The following FNDC1 variants were observed in gnomAD, a reference collection of about 807,000 sequenced individuals.
The protein encoded by FNDC1 is fibronectin type III domain containing 1.
In FNDC1, 96 loss-of-function variants were observed where a neutral mutation model predicts 168.0. That is an observed-to-expected ratio of 0.57 (90% confidence interval 0.48 to 0.68). FNDC1 has a LOEUF of 0.68. FNDC1 is among the 30% of genes least tolerant of loss of function. FNDC1 has a pLI of 0.00. For synonymous variants in FNDC1, 1,099 were observed against 1,025.9 expected (o/e 1.07, Z -1.36); for missense variants, 2,587 against 2,482.1 (o/e 1.04, Z -0.90).
chr6:159,217,580 T>C (rs1286151273), intron 5 of FNDC1, among the ~76,000 whole-genome samples: 1 of 152,154 alleles, frequency 6.6e-6, no homozygotes, highest in East Asian at 1.9e-4. Flanking sequence ...CCTTTTCTGT[T>C]TGTTGCTGTT....
chr6:159,262,726 T>A (rs1777510304), intron 19 of FNDC1, among the ~76,000 whole-genome samples: 1 of 152,206 alleles, frequency 6.6e-6, no homozygotes, highest in Non-Finnish European at 1.5e-5. Context: ...TCTTCTACCT[T>A]CTCCTCCAAG....
chr6:159,253,829 A>C (rs949982240), intron 17 of FNDC1, among the ~76,000 whole-genome samples: 1 of 152,218 alleles, frequency 6.6e-6, no homozygotes, highest in African/African-American at 2.4e-5. Flanking sequence ...CAGGGTTCTG[A>C]TGGAAGCCAG....
intron 22 of FNDC1, 64 bp from the exon 23 acceptor site, chr6:159,271,263 G>A (rs933789294): frequency 2.2e-5 from 24 of 1,091,010 alleles, no homozygotes; most frequent in South Asian, 1.5e-4. Context: ...AGGCTGTAAG[G>A]ATGAGTTCTA....
In FNDC1 at chr6:159,232,762, C is replaced by G; in HGVS notation, c.2250C>G (p.Ala750=). 1 of 1,613,970 alleles carries G rather than the reference C, an allele frequency of 6.2e-7. No individual in the cohort carries two copies. The highest frequency in any genetic ancestry group is 8.5e-7 in the Non-Finnish European group (1 of 1,179,902). The change falls in exon 11 of 23, where the codon GCC becomes GCG. Residue 750 remains alanine (A), a synonymous_variant. Transcript: ENST00000297267. This position sits in a 1 kb window ranked among gnomAD's most constrained non-coding sequence, Gnocchi z 4.9. ...LSKGGKDGED[A]PATNSNAPSR... is the part of the protein sequence containing the mutation. Reference sequence around the variant, plus strand: ...AGGGCGGGAAGGATGGTGAGGACGCCCCAGCCACCAACTCCAATGCGCCAT... The same window carrying G: ...AGGGCGGGAAGGATGGTGAGGACGCGCCAGCCACCAACTCCAATGCGCCAT...
Position 159,232,644 on chromosome 6 carries a change from G to T in FNDC1, c.2132G>T (p.Ser711Ile). 6.2e-7 allele frequency: 1 copy of T among 1,612,626 alleles called. No homozygotes were observed. The change falls in exon 11 of 23, where the codon AGT (serine) becomes ATT (isoleucine). Residue 711 changes from serine (S) to isoleucine (I), a missense_variant. Coordinates refer to ENST00000297267, the MANE Select transcript of FNDC1 (RefSeq NM_032532.3). This position sits in a 1 kb window ranked among gnomAD's most constrained non-coding sequence, Gnocchi z 4.9. ...TCAGGGGCCGCAGAGGAAGATTCCAGTGCCTCAGCCCCACCCTCAAGACTT... is the reference window on the plus strand; with the variant it reads ...TCAGGGGCCGCAGAGGAAGATTCCATTGCCTCAGCCCCACCCTCAAGACTT... ...PHSGAAEEDS[S>I]ASAPPSRLSP...
intron 5 of FNDC1, among the ~76,000 whole-genome samples, chr6:159,216,022 C>T (rs556460958): frequency 9.9e-5 from 15 of 152,078 alleles, no homozygotes; most frequent in East Asian, 7.7e-4. Flanking sequence ...AGTGCAGTGG[C>T]GCAATCTTGG....
rs1220422559 is a variant in FNDC1 at position 159,230,417 on chromosome 6, A to C, written c.1369+414A>C. Among the ~76,000 whole-genome samples the C allele has an allele frequency of 4.1e-4, 63 of 152,338 alleles. 3 individuals carry two copies. Among genetic ancestry groups the C allele is most frequent in the Admixed American group, 4.1e-3 (63 of 15,294 alleles). ...GACAGGAGACGGGTGAGGGTTAAAA[A>C]AATTACCCACTGGGTACAATATTCA... On this transcript the variant is annotated intron_variant, in intron 10 of 22. Transcript: ENST00000297267.
At chr6:159,213,463 T>C (rs375646193) in intron 4 of FNDC1, among the ~76,000 whole-genome samples, 1 of 152,122 alleles carries the variant, frequency 6.6e-6, no homozygotes, top group East Asian at 1.9e-4. Context: ...CAGAATTGGT[T>C]TGTCCTGGAA....
intron 3 of FNDC1, 73 bp downstream of exon 3, chr6:159,200,155 C>A: frequency 9.1e-7 from 1 of 1,097,472 alleles, no homozygotes; most frequent in Non-Finnish European, 1.3e-6. Flanking sequence ...CTTGCTTCTT[C>A]CAGTAAATAT....
intron 1 of FNDC1, among the ~76,000 whole-genome samples, chr6:159,175,454 T>C (rs57867343): frequency 0.064 from 9,709 of 152,206 alleles, 1,009 homozygotes; most frequent in African/African-American, 0.22. Flanking sequence ...TGTATCTCCT[T>C]GTTTTCTTCT....
intron 2 of FNDC1, among the ~76,000 whole-genome samples, chr6:159,199,315 A>T (rs915323681): frequency 2.0e-5 from 3 of 152,202 alleles, no homozygotes; most frequent in Admixed American, 6.5e-5. Context: ...TCAGCCCAAG[A>T]GACCTCTGCT....
chr6:159,182,735 A>G (rs370909314), intron 1 of FNDC1, among the ~76,000 whole-genome samples: 46 of 152,322 alleles, frequency 3.0e-4, no homozygotes, highest in African/African-American at 9.9e-4. Flanking sequence ...TGAATAGCAT[A>G]TTCAAAGATG....
In FNDC1 at chr6:159,271,411, A is replaced by T; in HGVS notation, c.5654A>T (p.Glu1885Val). ...GTPYYYVGWY[E>V]CGVSIPGKW ...CCCTACTACTATGTGGGCTGGTACG[A>T]GTGTGGGGTCTCCATCCCTGGAAAG... Residue 1885 changes from glutamate to valine, a missense_variant, in exon 23 of 23, where the codon GAG becomes GTG. Glu to Val is a moderately radical substitution (Grantham distance 121, BLOSUM62 -2). Transcript: ENST00000297267. The T allele has an allele frequency of 6.2e-7, 1 of 1,611,574 alleles. No homozygotes were observed.
chr6:159,172,138 G>A (rs1039828771), intron 1 of FNDC1, among the ~76,000 whole-genome samples: 5 of 152,146 alleles, frequency 3.3e-5, no homozygotes, highest in African/African-American at 1.2e-4. Flanking sequence ...GTATCTTTGA[G>A]TGTATGTCTT....
chr6:159,233,672 G>T lies in FNDC1; in HGVS notation c.3160G>T (p.Asp1054Tyr). 1 of 1,550,282 alleles carries T rather than the reference G, an allele frequency of 6.5e-7. No individual in the cohort carries two copies. Among genetic ancestry groups the T allele is most frequent in the Non-Finnish European group, 8.7e-7 (1 of 1,147,978 alleles). ...GCAGGGCCGCTCCCACTCCTCCTCG[G>T]ACCCTTACACGGCGAGCTCCAGAGG... The part of the protein sequence containing the change: ...TSQGRSHSSS[D>Y]PYTASSRGML... Residue 1054 changes from aspartate to tyrosine, a missense_variant, in exon 11 of 23, where the codon GAC becomes TAC. Physicochemically the swap from Asp to Tyr is radical, Grantham distance 160. Transcript: ENST00000297267. The surrounding 1 kb of genome is among the most constrained non-coding windows in gnomAD (Gnocchi z 4.6).
At chr6:159,191,477 T>C (rs1477436121) in intron 1 of FNDC1, among the ~76,000 whole-genome samples, 1 of 152,258 alleles carries the variant, frequency 6.6e-6, no homozygotes, top group African/African-American at 2.4e-5. Flanking sequence ...ATGCAACTGT[T>C]CCATAACTCA....
intron 1 of FNDC1, among the ~76,000 whole-genome samples, chr6:159,186,096 G>A (rs1781992901): frequency 1.3e-5 from 2 of 152,196 alleles, no homozygotes; most frequent in South Asian, 4.1e-4. Flanking sequence ...TGGCTTGAGA[G>A]TTTGATTTTA....
intron 1 of FNDC1, among the ~76,000 whole-genome samples, chr6:159,176,168 C>T (rs915910806): frequency 2.0e-5 from 3 of 152,192 alleles, no homozygotes; most frequent in Non-Finnish European, 4.4e-5. Flanking sequence ...CATAACTCTT[C>T]AGGCCTCAGT....
At chr6:159,264,886 G>A (rs1419198442) in intron 19 of FNDC1, 89 bp from the exon 20 acceptor site, 2 of 1,044,994 alleles carry the variant, frequency 1.9e-6, no homozygotes, top group East Asian at 2.6e-5. Context: ...TTCTAATTTG[G>A]TTAGCTATTT....
Sources: allele counts gnomAD v4.1 joint callset (sites outside exome capture counted in the v4.1 genomes callset), GRCh38; gene constraint gnomAD v4.1.1; non-coding constraint Gnocchi (gnomAD v3.1); transcripts MANE v1.5; gene names NCBI Gene and HGNC (gene_info 2026-07-23, HGNC 2026-07-21).